Variants in ERC1 observed in about 807,000 individuals in gnomAD.
ERC1 encodes RAB6 interacting protein 2.
ERC1 carries 56 observed loss-of-function variants against 132.0 expected under a neutral mutation model. The observed-to-expected ratio is 0.42, with a 90% CI of 0.34 to 0.53. The LOEUF is 0.53. Among genes scored for constraint, ERC1 ranks in the 20% least tolerant of loss-of-function variants. ERC1 has a pLI of 0.03. For missense variants in ERC1, 1,202 were observed against 1,349.9 expected, an observed-to-expected ratio of 0.89 and a Z score of 1.72; for synonymous variants, 478 against 476.1, an observed-to-expected ratio of 1.00 and a Z score of -0.05.
At chr12:1,247,695 A>C (rs985710935) in intron 13 of ERC1, among the ~76,000 whole-genome samples, 2 of 152,202 alleles carry the variant, frequency 1.3e-5, no homozygotes, top group African/African-American at 4.8e-5. Context: ...CCGTAGTTTA[A>C]TTAGGAATGT....
chr12:1,353,191 C>T (rs1180090090), intron 15 of ERC1, among the ~76,000 whole-genome samples: 1 of 152,044 alleles, frequency 6.6e-6, no homozygotes, highest in Non-Finnish European at 1.5e-5. Flanking sequence ...CCACCACACC[C>T]AGCTAATTTT....
intron 14 of ERC1, among the ~76,000 whole-genome samples, chr12:1,268,210 G>A (rs1359744078): frequency 6.6e-6 from 1 of 152,016 alleles, no homozygotes; most frequent in Non-Finnish European, 1.5e-5. Flanking sequence ...TTTACTTTTA[G>A]CAATTTATTC....
At chr12:1,452,895 A>G (rs554495978) in intron 18 of ERC1, among the ~76,000 whole-genome samples, 3 of 152,302 alleles carry the variant, frequency 2.0e-5, no homozygotes, top group Admixed American at 6.5e-5. Flanking sequence ...TTTCCACTCT[A>G]GTTACCTTCA....
At chr12:1,296,323 A>G (rs2079929804) in intron 15 of ERC1, among the ~76,000 whole-genome samples, 1 of 151,418 alleles carries the variant, frequency 6.6e-6, no homozygotes, top group East Asian at 1.9e-4. Flanking sequence ...ATGAGACCCT[A>G]TCTCAAAAAA....
At chr12:1,320,878 T>A (rs963399034) in intron 15 of ERC1, among the ~76,000 whole-genome samples, 1 of 152,140 alleles carries the variant, frequency 6.6e-6, no homozygotes, top group African/African-American at 2.4e-5. Context: ...ATTTTTTGTA[T>A]TTTTAGTAGA....
intron 1 of ERC1, among the ~76,000 whole-genome samples, chr12:1,011,412 C>T (rs1281839878): frequency 6.6e-6 from 1 of 152,038 alleles, no homozygotes; most frequent in Admixed American, 6.6e-5. Context: ...CTCCGTATTG[C>T]CCAGATTGGT....
rs185384429 is a variant in ERC1, at chr12:1,259,410, A to G, written c.2488-3624A>G. Among the ~76,000 whole-genome samples the G allele has an allele frequency of 3.4e-5, 5 of 145,216 alleles. No homozygotes were observed. The East Asian group carries it at 9.7e-4, about 28-fold the overall frequency. The stretch of plus-strand genomic sequence containing the variant: ...CCAATATAATTATATCTAGGTCTAC[A>G]TTTTTAAAACTGAGGCACGTAGTAT... On this transcript the variant is annotated intron_variant, in intron 13 of 18. Transcript: ENST00000360905.
chr12:1,484,281 GT>G (rs1436159139), intron 18 of ERC1, among the ~76,000 whole-genome samples: 8 of 151,432 alleles, frequency 5.3e-5, no homozygotes, highest in Admixed American at 2.6e-4. Flanking sequence ...CTCCAGCCTG[GT>G]GACAGAGCGA....
At chr12:1,372,465 G>T (rs897428139) in intron 16 of ERC1, among the ~76,000 whole-genome samples, 2 of 152,114 alleles carry the variant, frequency 1.3e-5, no homozygotes, top group African/African-American at 2.4e-5. Context: ...CCTTTTGTTT[G>T]TGAAAATAAA....
At chr12:1,197,193 A>G (rs1956416112) in intron 12 of ERC1, among the ~76,000 whole-genome samples, 1 of 149,340 alleles carries the variant, frequency 6.7e-6, no homozygotes, top group Non-Finnish European at 1.5e-5. Context: ...CTTAACCAGG[A>G]TGGTCTCGAA....
chr12:1,402,295 C>G (rs1420216429), intron 16 of ERC1, among the ~76,000 whole-genome samples: 1 of 152,124 alleles, frequency 6.6e-6, no homozygotes, highest in Non-Finnish European at 1.5e-5. Flanking sequence ...TTTGGGAGGC[C>G]AAGGCAGGTG....
intron 18 of ERC1, among the ~76,000 whole-genome samples, chr12:1,466,474 A>G (rs1365785616): frequency 1.3e-5 from 2 of 152,300 alleles, no homozygotes; most frequent in South Asian, 2.1e-4. Context: ...GTGGGGACAC[A>G]GCTCAGCCCA....
chr12:1,235,782 T>C (rs140778619), intron 12 of ERC1, among the ~76,000 whole-genome samples: 1 of 152,226 alleles, frequency 6.6e-6, no homozygotes, highest in African/African-American at 2.4e-5. Flanking sequence ...TAAAATAAGG[T>C]GTACCTACTG....
At chr12:1,432,546 T>G (rs1423377523) in intron 17 of ERC1, among the ~76,000 whole-genome samples, 1 of 152,238 alleles carries the variant, frequency 6.6e-6, no homozygotes, top group Non-Finnish European at 1.5e-5. Context: ...TTCACAAGGA[T>G]GGGCATAATT....
At position 1,236,759 on chromosome 12, in the gene ERC1, C is replaced by T. The variant is rs776428934; in HGVS notation, c.2352-10C>T. The T allele has an allele frequency of 6.2e-7, 1 of 1,611,382 alleles. No homozygotes were observed. Among genetic ancestry groups the T allele is most frequent in the South Asian group, 1.1e-5 (1 of 90,650 alleles). On this transcript the variant is annotated splice_polypyrimidine_tract_variant and intron_variant, in intron 12 of 18. Coordinates refer to ENST00000360905, the MANE Select transcript of ERC1 (RefSeq NM_178040.4). Reference sequence around the variant, plus strand: ...TATGCAAAGCTTGATTTTTCTCCTTCTGTCATTAGGCAAGTGAAAGACCAG... The same window carrying T: ...TATGCAAAGCTTGATTTTTCTCCTTTTGTCATTAGGCAAGTGAAAGACCAG...
At chr12:1,020,536 A>G (rs150390225) in intron 1 of ERC1, 10 of 152,358 alleles carry the variant, frequency 6.6e-5, no homozygotes, top group African/African-American at 2.4e-4. Flanking sequence ...CAGGGTATCT[A>G]GTGAGGTTGC....
chr12:1,338,250 T>C (rs2083477746), intron 15 of ERC1, among the ~76,000 whole-genome samples: 1 of 152,218 alleles, frequency 6.6e-6, no homozygotes, highest in African/African-American at 2.4e-5. Flanking sequence ...CTCTTTTCTC[T>C]ATTATTGTCT....
chr12:1,431,722 G>A (rs1421963784), intron 17 of ERC1, among the ~76,000 whole-genome samples: 3 of 152,006 alleles, frequency 2.0e-5, no homozygotes, highest in Non-Finnish European at 4.4e-5. Flanking sequence ...ACTTTTCATT[G>A]TGAATGGATT....
chr12:1,233,754 G>A (rs1426956390), intron 12 of ERC1, among the ~76,000 whole-genome samples: 1 of 152,044 alleles, frequency 6.6e-6, no homozygotes, highest in Non-Finnish European at 1.5e-5. Context: ...AAAATCACTG[G>A]CATTCAAAAA....
Sources: allele counts gnomAD v4.1 joint callset (sites outside exome capture counted in the v4.1 genomes callset), GRCh38; gene constraint gnomAD v4.1.1; transcripts MANE v1.5; gene names NCBI Gene and HGNC (gene_info 2026-07-23, HGNC 2026-07-21).